The following SMAD3 variants were observed in gnomAD, a reference collection of about 807,000 sequenced individuals.
SMAD3 encodes SMAD family member 3.
Under a neutral mutation model 51.8 loss-of-function variants are expected in SMAD3, and 12 were observed. That is an observed-to-expected ratio of 0.23 (90% CI 0.15 to 0.38). The LOEUF (loss-of-function observed/expected upper bound fraction) is 0.38. Ranked by LOEUF, SMAD3 falls within the 10% of genes least tolerant of loss-of-function variation. The probability of loss-of-function intolerance (pLI) is 1.00; values close to 1 mark genes in which losing one functional copy is unlikely to be tolerated. For missense variants in SMAD3, 294 were observed against 565.6 expected (o/e 0.52, Z 4.87); for synonymous variants, 238 against 227.7 (o/e 1.05, Z -0.41).
intron 1 of SMAD3, among the ~76,000 whole-genome samples, chr15:67,088,412 T>TG (rs771796573): frequency 6.6e-6 from 1 of 152,146 alleles, no homozygotes; most frequent in Non-Finnish European, 1.5e-5. Context: ...TGAGAGCATC[T>TG]GCCAGTGTGA....
At chr15:67,072,222 C>A (rs1490861937) in intron 1 of SMAD3, among the ~76,000 whole-genome samples, 2 of 152,176 alleles carry the variant, frequency 1.3e-5, no homozygotes, top group African/African-American at 4.8e-5. Context: ...ATTTAATGAA[C>A]TGAGCGACCA....
intron 1 of SMAD3, among the ~76,000 whole-genome samples, chr15:67,122,397 T>C (rs571842727): frequency 4.6e-5 from 7 of 152,170 alleles, no homozygotes; most frequent in Non-Finnish European, 8.8e-5. Context: ...TCACCAGAGT[T>C]TGGGAATGAG....
At chr15:67,188,284 C>G (rs538384020) in intron 8 of SMAD3, among the ~76,000 whole-genome samples, 1 of 151,288 alleles carries the variant, frequency 6.6e-6, no homozygotes, top group East Asian at 2.0e-4. Context: ...ACTACAGGTG[C>G]GTGCTACCAC....
intron 1 of SMAD3, among the ~76,000 whole-genome samples, chr15:67,124,849 A>T (rs1299780926): frequency 6.6e-6 from 1 of 152,236 alleles, no homozygotes; most frequent in African/African-American, 2.4e-5. Context: ...GATGGACCTG[A>T]GCTTGGTGAA....
At chr15:67,171,234 A>C (rs1446869754) in intron 5 of SMAD3, among the ~76,000 whole-genome samples, 2 of 152,082 alleles carry the variant, frequency 1.3e-5, no homozygotes, top group Non-Finnish European at 2.9e-5. Flanking sequence ...TTTTGTAAAC[A>C]CGTTTCCGTA....
chr15:67,155,251 A>G (rs1447072389), intron 1 of SMAD3, among the ~76,000 whole-genome samples: 1 of 152,214 alleles, frequency 6.6e-6, no homozygotes, highest in Admixed American at 6.5e-5. Context: ...ACATACACCC[A>G]GGGGACTGGG....
chr15:67,133,606 A>G (rs1254267004), intron 1 of SMAD3, among the ~76,000 whole-genome samples: 2 of 152,084 alleles, frequency 1.3e-5, no homozygotes, highest in African/African-American at 4.8e-5. Flanking sequence ...ATTAACTGCA[A>G]ATTAGGAAAG....
intron 1 of SMAD3, chr15:67,098,999 G>T (rs117345612): frequency 1.4e-6 from 1 of 702,424 alleles, no homozygotes. Context: ...TGGACAGAGC[G>T]TATGTCCTGA....
chr15:67,085,396 T>A (rs188239498), intron 1 of SMAD3, among the ~76,000 whole-genome samples: 31 of 152,308 alleles, frequency 2.0e-4, no homozygotes, highest in Non-Finnish European at 5.9e-5. Flanking sequence ...TTAGCAGGAT[T>A]TTAAAGTTTC....
chr15:67,098,714 C>T lies in SMAD3; in HGVS notation c.206+32354C>T, dbSNP rs377193665. 5 of 603,298 alleles carry T rather than the reference C, an allele frequency of 8.3e-6. No homozygotes were observed. The African/African-American group carries it at 9.2e-5, about 11-fold the overall frequency. The allele number at this position is 603,298 out of a possible 1,614,324, so 37.4% of individuals were successfully genotyped here. A position where few individuals can be genotyped will look rare whatever the true frequency, so the allele number is the denominator to read the frequency against. On this transcript the variant is annotated intron_variant, in intron 1 of 8. Transcript: ENST00000327367. ...TCGGGAGTTGGGAGAGAACTGTCCA[C>T]AGGACACTTGGGGAGGCTTGCTTTG...
At chr15:67,160,646 C>T (rs890568333) in intron 1 of SMAD3, among the ~76,000 whole-genome samples, 6 of 151,972 alleles carry the variant, frequency 3.9e-5, no homozygotes, top group African/African-American at 1.4e-4. Flanking sequence ...TGCCAGGCGC[C>T]TGTAGTCCCA....
intron 5 of SMAD3, among the ~76,000 whole-genome samples, chr15:67,176,830 C>T (rs1418608603): frequency 2.6e-4 from 39 of 152,194 alleles, no homozygotes; most frequent in Non-Finnish European, 5.6e-4. Flanking sequence ...GCGTCTCCAA[C>T]ACCTCTGCAC....
At chr15:67,139,803 G>A (rs1961769280) in intron 1 of SMAD3, among the ~76,000 whole-genome samples, 1 of 152,228 alleles carries the variant, frequency 6.6e-6, no homozygotes, top group Non-Finnish European at 1.5e-5. Context: ...CACAGGCATG[G>A]GTGGAAGCTG....
intron 7 of SMAD3, chr15:67,186,932 G>C (rs746368803): frequency 2.6e-6 from 1 of 383,790 alleles, no homozygotes; most frequent in Non-Finnish European, 5.2e-6. Flanking sequence ...CAGAGCTCCT[G>C]TTCCTAGGTG....
At position 67,176,780 on chromosome 15, in the gene SMAD3, G is replaced by C. The variant is rs3784679; in HGVS notation, c.659-4461G>C. Among the ~76,000 whole-genome samples the C allele has an allele frequency of 9.6e-3, 1,455 of 152,234 alleles. 31 individuals are homozygous for C. The highest frequency in any genetic ancestry group is 0.033 in the African/African-American group (1,370 of 41,536). On this transcript the variant is annotated intron_variant, in intron 5 of 8. Coordinates refer to ENST00000327367, the MANE Select transcript of SMAD3 (RefSeq NM_005902.4). ...GAAGTCTGGCCGACACCACACTGGTGGGGGAGGGGGATCCACAAAGGCTGG... is the reference window on the plus strand; with the variant it reads ...GAAGTCTGGCCGACACCACACTGGTCGGGGAGGGGGATCCACAAAGGCTGG...
intron 6 of SMAD3, 132 bp from the exon 7 acceptor site, chr15:67,184,595 C>A: frequency 8.9e-7 from 1 of 1,128,092 alleles, no homozygotes. Context: ...CTTTGGGGCC[C>A]GTTTGCCTGG....
chr15:67,070,551 G>C (rs1326902782), intron 1 of SMAD3, among the ~76,000 whole-genome samples: 1 of 151,848 alleles, frequency 6.6e-6, no homozygotes, highest in East Asian at 1.9e-4. Context: ...AGACACGTTT[G>C]AGAAGCTCCC....
At chr15:67,079,015 G>A (rs190714728) in intron 1 of SMAD3, among the ~76,000 whole-genome samples, 172 of 150,826 alleles carry the variant, frequency 1.1e-3, no homozygotes, top group African/African-American at 3.8e-3. Context: ...TTTCGCTCTT[G>A]TTGCCCAGGC....
intron 6 of SMAD3, among the ~76,000 whole-genome samples, chr15:67,182,998 A>ATATATATATAT (rs1444218521): frequency 1.8e-4 from 9 of 49,044 alleles, no homozygotes; most frequent in African/African-American, 6.2e-4. Flanking sequence ...AAAAAAAAAA[A>ATATATATATAT]AAATATATAT....
Sources: gnomAD v4.1 joint callset for allele counts (sites outside exome capture counted in the v4.1 genomes callset) on GRCh38, gnomAD v4.1.1 for gene constraint, MANE v1.5 for transcripts, NCBI Gene and HGNC (gene_info 2026-07-23, HGNC 2026-07-21) for gene names.